LRRC27: variants seen among roughly 807,000 people sequenced by gnomAD.
The protein encoded by LRRC27 is leucine-rich repeat-containing protein 27.
Under a neutral mutation model 55.0 loss-of-function variants are expected in LRRC27, and 57 were observed. The ratio of observed to expected loss-of-function variants is 1.04; its 90% CI spans 0.84 to 1.29. The LOEUF is 1.29. Ranked by LOEUF, LRRC27 falls within the 50% of genes most tolerant of loss-of-function variation. The probability of loss-of-function intolerance (pLI) is 0.00; values close to 1 mark genes in which losing one functional copy is unlikely to be tolerated. For synonymous variants in LRRC27, 278 were observed against 251.9 expected, an observed-to-expected ratio of 1.10 and a Z score of -0.98; for missense variants, 721 against 651.5, an observed-to-expected ratio of 1.11 and a Z score of -1.16.
chr10:132,359,184 G>A (rs183055668), intron 8 of LRRC27, among the ~76,000 whole-genome samples: 1 of 148,894 alleles, frequency 6.7e-6, no homozygotes, highest in African/African-American at 2.6e-5. Flanking sequence ...GTGGTGGAGC[G>A]TGGGATAGAG....
intron 4 of LRRC27, among the ~76,000 whole-genome samples, chr10:132,343,600 GTC>G (rs1305674420): frequency 3.3e-5 from 5 of 152,232 alleles, no homozygotes; most frequent in African/African-American, 9.6e-5. Context: ...TTCTAGTTTA[GTC>G]TCTGTTTTCC....
Position 132,366,594 on chromosome 10 carries a change from G to A in LRRC27, c.1416+1044G>A, listed in dbSNP as rs56101306. ...TCCCTGGCAGTGAACCTGGATACCCGTGTCCCCACCCTTCCTGCAGCCATA... is the reference window on the plus strand; with the variant it reads ...TCCCTGGCAGTGAACCTGGATACCCATGTCCCCACCCTTCCTGCAGCCATA... On this transcript the variant is annotated intron_variant, in intron 10 of 10. Coordinates refer to ENST00000368614, the MANE Select transcript of LRRC27 (RefSeq NM_030626.3). 625 of 164,326 alleles carry A rather than the reference G, an allele frequency of 3.8e-3. 6 individuals carry two copies. The highest frequency in any genetic ancestry group is 0.017 in the South Asian group (144 of 8,256). The allele number at this position is 164,326 out of a possible 1,614,324, so 10.2% of individuals were successfully genotyped here. A position where few individuals can be genotyped will look rare whatever the true frequency, so the allele number is the denominator to read the frequency against.
At position 132,375,241 on chromosome 10, in the gene LRRC27, G is replaced by GACACCT. The variant is rs767150586; in HGVS notation, c.*4_*5insTACACC. On this transcript the variant is annotated inframe_insertion and stop_retained_variant, in exon 11 of 11. Transcript: ENST00000368614. Reference sequence around the variant, plus strand: ...TCAGGAAATGTTCGCAGATACCAGTGACACCAGGTGGCTGGACTGATGGAG... The same window carrying GACACCT: ...TCAGGAAATGTTCGCAGATACCAGTGACACCTACACCAGGTGGCTGGACTGATGGAG... 2 of 1,611,198 alleles carry GACACCT rather than the reference G, an allele frequency of 1.2e-6. No homozygotes were observed. Among genetic ancestry groups the GACACCT allele is most frequent in the African/African-American group, 2.7e-5 (2 of 74,852 alleles).
At chr10:132,364,420 T>TA (rs1292296346) in intron 9 of LRRC27, among the ~76,000 whole-genome samples, 2 of 66,580 alleles carry the variant, frequency 3.0e-5, no homozygotes, top group African/African-American at 1.6e-4. Context: ...CACCCGCGCT[T>TA]ACACCCACGC....
rs2069405589 is a variant in LRRC27, at chr10:132,381,111, G to T, written c.*5869G>T. On this transcript the variant is annotated 3_prime_UTR_variant, in exon 11 of 11. Transcript: ENST00000368614. ...GAAGAGATTAACATTTGAGTCAGTG[G>T]ACTGGGAGAAGACCCACCACAGTGT... 6.6e-6 allele frequency among the ~76,000 whole-genome samples: 1 copy of T among 152,232 alleles called. No individual in the cohort carries two copies. The highest frequency in any genetic ancestry group is 1.5e-5 in the Non-Finnish European group (1 of 68,038).
intron 8 of LRRC27, among the ~76,000 whole-genome samples, chr10:132,360,115 T>C (rs1421251730): frequency 6.6e-6 from 1 of 152,124 alleles, no homozygotes; most frequent in Non-Finnish European, 1.5e-5. Context: ...ATTTAGCATT[T>C]ATTTATTTAT....
rs1375183488 is a variant in LRRC27 at position 132,333,398 on chromosome 10, A to C, written c.-48-79A>C. On this transcript the variant is annotated intron_variant, in intron 1 of 10. Coordinates refer to ENST00000368614, the MANE Select transcript of LRRC27 (RefSeq NM_030626.3). ...TAGCTTTTAAAGCAAGTTACATTAC[A>C]GTAGATCTGCCACACAGCTATTCTG... The C allele has an allele frequency of 5.3e-6, 3 of 565,362 alleles. No homozygotes were observed. The Admixed American group carries it at 1.2e-4, about 23-fold the overall frequency. The allele number at this position is 565,362 out of a possible 1,614,324, so 35.0% of individuals were successfully genotyped here.
In LRRC27 at chr10:132,365,940, C is replaced by T. The variant is rs565450730; in HGVS notation, c.1416+390C>T. Reference sequence around the variant, plus strand: ...ACTCACTGTGCCTCTTCAGAGCATGCGCTCTCTAAAACCGTGGGACTGTGT... The same window carrying T: ...ACTCACTGTGCCTCTTCAGAGCATGTGCTCTCTAAAACCGTGGGACTGTGT... On this transcript the variant is annotated intron_variant, in intron 10 of 10. Transcript: ENST00000368614. 3.3e-5 allele frequency among the ~76,000 whole-genome samples: 5 copies of T among 152,360 alleles called. No homozygotes were observed. In the South Asian group the frequency reaches 8.3e-4, roughly 25 times the overall value.
rs1049956126 is a variant in LRRC27, at chr10:132,375,346, T to C, written c.*104T>C. ...GGTGCCGGAAGAGCGCCAGGTTCAG[T>C]GTTACCCTGAGGGCTGATTTCGCGC... On this transcript the variant is annotated 3_prime_UTR_variant, in exon 11 of 11. Transcript: ENST00000368614. The C allele has an allele frequency of 1.4e-5, 15 of 1,095,234 alleles. No homozygotes were observed. Among genetic ancestry groups the C allele is most frequent in the South Asian group, 9.3e-5 (6 of 64,340 alleles). 67.8% of individuals were successfully genotyped at this position (1,095,234 alleles called of 1,614,324 possible). A position where few individuals can be genotyped will look rare whatever the true frequency, so the allele number is the denominator to read the frequency against.
chr10:132,364,837 C>T (rs868138773), intron 9 of LRRC27, among the ~76,000 whole-genome samples: 8,923 of 145,560 alleles, frequency 0.061, 351 homozygotes, highest in African/African-American at 0.14. Context: ...TACCTCCACG[C>T]CCACACCCTG....
chr10:132,372,527 C>T lies in LRRC27; in HGVS notation c.1417-2539C>T, dbSNP rs1432664654. 6.6e-6 allele frequency among the ~76,000 whole-genome samples: 1 copy of T among 152,204 alleles called. No individual in the cohort carries two copies. Among genetic ancestry groups the T allele is most frequent in the African/African-American group, 2.4e-5 (1 of 41,440 alleles). Reference sequence around the variant, plus strand: ...AGGTTGCAGTGAGCTGAGATGGCACCATCGCACTCCAGCCTGGGCAACAAG... The same window carrying T: ...AGGTTGCAGTGAGCTGAGATGGCACTATCGCACTCCAGCCTGGGCAACAAG... On this transcript the variant is annotated intron_variant, in intron 10 of 10. Transcript: ENST00000368614. This position sits in a 1 kb window ranked among gnomAD's most constrained non-coding sequence, Gnocchi z 4.0.
chr10:132,344,700 C>T (rs759758414), intron 5 of LRRC27, 50 bp downstream of exon 5: 1 of 1,596,442 alleles, frequency 6.3e-7, no homozygotes, highest in Non-Finnish European at 8.6e-7. Context: ...GAAGTTACAG[C>T]TTTTTAAAAT....
intron 9 of LRRC27, among the ~76,000 whole-genome samples, chr10:132,362,643 GTCCA>G: frequency 7.1e-6 from 1 of 141,418 alleles, no homozygotes; most frequent in Non-Finnish European, 1.5e-5. Flanking sequence ...CAGCTCGGGG[GTCCA>G]GGGCTCACCC....
At position 132,336,955 on chromosome 10, in the gene LRRC27, C is replaced by T. The variant is rs138976979; in HGVS notation, c.211-610C>T. 7.3e-4 allele frequency: 460 copies of T among 629,206 alleles called. 2 individuals are homozygous for T. The highest frequency in any genetic ancestry group is 1.6e-3 in the Admixed American group (44 of 26,852). The allele number at this position is 629,206 out of a possible 1,614,324, so 39.0% of individuals were successfully genotyped here. Reference sequence around the variant, plus strand: ...TACACAGCTAAAATCAGCGTGTATACGTTCATCTTCCACCTTCCCTTATTT... The same window carrying T: ...TACACAGCTAAAATCAGCGTGTATATGTTCATCTTCCACCTTCCCTTATTT... On this transcript the variant is annotated intron_variant, in intron 2 of 10. Transcript: ENST00000368614.
At chr10:132,363,994 T>C (rs561440050) in intron 9 of LRRC27, among the ~76,000 whole-genome samples, 60 of 152,086 alleles carry the variant, frequency 3.9e-4, no homozygotes, top group Admixed American at 3.7e-3. Flanking sequence ...AATGTTCTCT[T>C]ACATCCTCCA....
chr10:132,375,184 A>G lies in LRRC27; in HGVS notation c.1535A>G (p.Gln512Arg). ...LSLGLPAAQP[Q>R]NTFFNTKYGE... ...CTTGGCCTGCCGGCAGCACAGCCTC[A>G]AAATACATTTTTTAACACAAAATAT... is the stretch of plus-strand genomic sequence containing the variant. Residue 512 changes from glutamine (Q) to arginine (R), a missense_variant, in exon 11 of 11, where the codon CAA (glutamine) becomes CGA (arginine). Coordinates refer to ENST00000368614, the MANE Select transcript of LRRC27 (RefSeq NM_030626.3). The G allele has an allele frequency of 6.2e-7, 1 of 1,614,116 alleles. No homozygotes were observed. Among genetic ancestry groups the G allele is most frequent in the Non-Finnish European group, 8.5e-7 (1 of 1,179,986 alleles).
In LRRC27 at chr10:132,347,977, C is replaced by A; in HGVS notation, c.554-7C>A. The A allele has an allele frequency of 6.3e-7, 1 of 1,589,676 alleles. No homozygotes were observed. The highest frequency in any genetic ancestry group is 8.5e-7 in the Non-Finnish European group (1 of 1,169,736). On this transcript the variant is annotated splice_region_variant and splice_polypyrimidine_tract_variant and intron_variant, in intron 5 of 10. Coordinates refer to ENST00000368614, the MANE Select transcript of LRRC27 (RefSeq NM_030626.3). ...GTAGCTACTAAAGCGGTTTCTTACTCTCCCAGAGGCTCCACCGGTTAGAGA... is the reference window on the plus strand; with the variant it reads ...GTAGCTACTAAAGCGGTTTCTTACTATCCCAGAGGCTCCACCGGTTAGAGA...
In LRRC27 at chr10:132,378,339, A is replaced by T. The variant is rs1222239531; in HGVS notation, c.*3097A>T. 6.6e-6 allele frequency: 1 copy of T among 151,260 alleles called. No individual in the cohort carries two copies. Among genetic ancestry groups the T allele is most frequent in the Admixed American group, 6.6e-5 (1 of 15,194 alleles). 9.4% of individuals were successfully genotyped at this position (151,260 alleles called of 1,614,324 possible). A position where few individuals can be genotyped will look rare whatever the true frequency, so the allele number is the denominator to read the frequency against. ...TTTTTACGTATTTTTCTTGGAATAT[A>T]CAGAACTCAAATCTGGGAGTTAGCA... On this transcript the variant is annotated 3_prime_UTR_variant, in exon 11 of 11. Coordinates refer to ENST00000368614, the MANE Select transcript of LRRC27 (RefSeq NM_030626.3).
chr10:132,335,130 G>A (rs2067051631), intron 2 of LRRC27: 1 of 152,232 alleles, frequency 6.6e-6, no homozygotes, highest in South Asian at 2.1e-4. Context: ...CAAACCCAAA[G>A]AATGGACTCA....
Sources: allele counts gnomAD v4.1 joint callset (sites outside exome capture counted in the v4.1 genomes callset), GRCh38; gene constraint gnomAD v4.1.1; non-coding constraint Gnocchi (gnomAD v3.1); transcripts MANE v1.5; gene names NCBI Gene and HGNC (gene_info 2026-07-23, HGNC 2026-07-21).